SORL1: variants seen among roughly 807,000 people sequenced by gnomAD.
SORL1 encodes sortilin related receptor 1.
SORL1 carries 127 observed loss-of-function variants against 273.7 expected under a neutral mutation model. The observed-to-expected ratio is 0.46, with a 90% confidence interval of 0.40 to 0.54. SORL1 has a LOEUF of 0.54. Ranked by LOEUF, SORL1 falls within the 20% of genes least tolerant of loss-of-function variation. The probability of loss-of-function intolerance (pLI) is 0.00; values close to 1 mark genes in which losing one functional copy is unlikely to be tolerated. For synonymous variants in SORL1, 1,031 were observed against 1,067.4 expected (o/e 0.97, Z 0.66); for missense variants, 2,494 against 2,846.1 (o/e 0.88, Z 2.81).
Position 121,452,354 on chromosome 11 carries a change from G to A in SORL1, c.23G>A (p.Arg8Lys). Residue 8 changes from arginine to lysine, a missense_variant, in exon 1 of 48, where the codon AGG (arginine) becomes AAG (lysine). Transcript: ENST00000260197. The surrounding 1 kb of genome is among the most constrained non-coding windows in gnomAD (Gnocchi z 5.3). ...AACATGGCGACACGGAGCAGCAGGA[G>A]GGAGTCGCGACTCCCGTTCCTATTC... MATRSSR[R>K]ESRLPFLFTL... 6.4e-7 allele frequency: 1 copy of A among 1,554,430 alleles called. No homozygotes were observed. The highest frequency in any genetic ancestry group is 8.7e-7 in the Non-Finnish European group (1 of 1,154,828).
At chr11:121,543,107 C>T (rs990801205) in intron 12 of SORL1, among the ~76,000 whole-genome samples, 7 of 150,322 alleles carry the variant, frequency 4.7e-5, no homozygotes, top group Admixed American at 1.3e-4. Flanking sequence ...AGGAGAATGG[C>T]GTGAACCCAG....
rs1329139201 is a variant in SORL1 at position 121,631,391 on chromosome 11, T to A, written c.*1828T>A. The A allele has an allele frequency of 6.6e-6, 1 of 151,802 alleles. No individual in the cohort carries two copies. The highest frequency in any genetic ancestry group is 1.9e-4 in the East Asian group (1 of 5,184). 9.4% of individuals were successfully genotyped at this position (151,802 alleles called of 1,614,324 possible). On this transcript the variant is annotated 3_prime_UTR_variant, in exon 48 of 48. Transcript: ENST00000260197. ...AAGTTTTTTTTTTTAAAGACTGGAA[T>A]TTTTTTTGGCTTTATCTTGTCTTAC...
intron 6 of SORL1, among the ~76,000 whole-genome samples, chr11:121,512,777 A>G (rs905733272): frequency 4.6e-5 from 7 of 152,202 alleles, no homozygotes; most frequent in Admixed American, 4.6e-4. Flanking sequence ...TCTAATATCC[A>G]TGGAGTGTCT....
intron 42 of SORL1, among the ~76,000 whole-genome samples, chr11:121,619,388 T>G (rs934860383): frequency 1.1e-4 from 16 of 152,210 alleles, no homozygotes; most frequent in African/African-American, 3.9e-4. Flanking sequence ...TGGAAAAATC[T>G]CTACGCTATA....
At position 121,588,097 on chromosome 11, in the gene SORL1, G is replaced by A. The variant is rs746781563; in HGVS notation, c.3892G>A (p.Gly1298Arg). ...CCTGTTCCACTCCATGGTCTGTGAC[G>A]GAATCATCCAGTGCCGCGACGGGTC... ...QCLFHSMVCDGIIQCRDGSDE... is the reference protein window; with the variant it reads ...QCLFHSMVCDRIIQCRDGSDE... The change falls in exon 28 of 48, where the codon GGA becomes AGA. Residue 1298 changes from glycine (G) to arginine (R), a missense_variant. Gly to Arg is a moderately radical substitution (Grantham distance 125). Around this residue, in one of 3 missense-constraint regions of SORL1, gnomAD observed 1,609 missense variants for 1,816.4 expected, o/e 0.89. Coordinates refer to ENST00000260197, the MANE Select transcript of SORL1 (RefSeq NM_003105.6). 7.4e-6 allele frequency: 12 copies of A among 1,613,764 alleles called. No homozygotes were observed. The highest frequency in any genetic ancestry group is 5.0e-5 in the Admixed American group (3 of 59,996).
At chr11:121,556,254 G>A (rs1400915691) in intron 18 of SORL1, among the ~76,000 whole-genome samples, 1 of 152,206 alleles carries the variant, frequency 6.6e-6, no homozygotes, top group Admixed American at 6.5e-5. Flanking sequence ...TTTTAGTGGA[G>A]GAAGCAAAAT....
intron 46 of SORL1, chr11:121,626,516 T>C (rs1026044846): frequency 8.5e-5 from 13 of 152,138 alleles, no homozygotes; most frequent in African/African-American, 3.1e-4. Flanking sequence ...GAATATTGAA[T>C]TGTTAGATTA....
At chr11:121,485,751 G>C (rs1165677964) in intron 3 of SORL1, among the ~76,000 whole-genome samples, 1 of 152,004 alleles carries the variant, frequency 6.6e-6, no homozygotes, top group Non-Finnish European at 1.5e-5. Context: ...TTATTTCTGG[G>C]GAATACTTTT....
intron 43 of SORL1, 91 bp from the exon 44 acceptor site, chr11:121,620,972 TA>T: frequency 1.1e-6 from 1 of 909,894 alleles, no homozygotes; most frequent in Non-Finnish European, 1.7e-6. Context: ...GGGTCCCAGC[TA>T]TTAATATACT....
At chr11:121,503,304 T>C (rs923167728) in intron 6 of SORL1, among the ~76,000 whole-genome samples, 1 of 152,186 alleles carries the variant, frequency 6.6e-6, no homozygotes, top group Non-Finnish European at 1.5e-5. Context: ...TATGTAGTTT[T>C]AGTTCTTACA....
chr11:121,511,213 T>G (rs1392529582), intron 6 of SORL1, among the ~76,000 whole-genome samples: 1 of 152,174 alleles, frequency 6.6e-6, no homozygotes, highest in African/African-American at 2.4e-5. Context: ...TATTCTGTGA[T>G]TTTTGCATTT....
At chr11:121,511,109 T>C (rs1347284975) in intron 6 of SORL1, among the ~76,000 whole-genome samples, 1 of 152,118 alleles carries the variant, frequency 6.6e-6, no homozygotes, top group Non-Finnish European at 1.5e-5. Context: ...AAAAATCCAT[T>C]AAGAATGAAC....
intron 32 of SORL1, 113 bp from the exon 33 acceptor site, chr11:121,604,080 G>T: frequency 7.5e-7 from 1 of 1,339,838 alleles, no homozygotes; most frequent in East Asian, 2.3e-5. Context: ...CCAGAGGTGT[G>T]TTTTGAAGCA....
chr11:121,556,858 C>T (rs957252399), intron 18 of SORL1, among the ~76,000 whole-genome samples: 14 of 152,078 alleles, frequency 9.2e-5, no homozygotes, highest in African/African-American at 3.1e-4. Context: ...GCCTGGCTGA[C>T]GGGAAGGAGC....
In SORL1 at chr11:121,550,620, G is replaced by A; in HGVS notation, c.2216G>A (p.Gly739Glu). The A allele has an allele frequency of 6.2e-7, 1 of 1,614,206 alleles. No individual in the cohort carries two copies. The highest frequency in any genetic ancestry group is 8.5e-7 in the Non-Finnish European group (1 of 1,180,020). The change falls in exon 16 of 48, where the codon GGA (glycine) becomes GAA (glutamate). Residue 739 changes from glycine (G) to glutamate (E), a missense_variant. By Grantham distance (98) the Gly-to-Glu change is moderately conservative. This residue lies in a region of SORL1 where 710 missense variants were observed against 882.5 expected (regional missense o/e 0.80). Coordinates refer to ENST00000260197, the MANE Select transcript of SORL1 (RefSeq NM_003105.6). This position sits in a 1 kb window ranked among gnomAD's most constrained non-coding sequence, Gnocchi z 5.3. ...RKISGDTCSG[G>E]DVEARLEGEL... ...ATTTCTGGGGACACTTGTAGCGGAG[G>A]AGATGTTGAAGCGCGACTGGAAGGA...
At chr11:121,491,557 T>C (rs1861553422) in intron 5 of SORL1, among the ~76,000 whole-genome samples, 1 of 152,196 alleles carries the variant, frequency 6.6e-6, no homozygotes, top group Admixed American at 6.5e-5. Flanking sequence ...CCAAATCAGC[T>C]CCACCTATAA....
intron 1 of SORL1, among the ~76,000 whole-genome samples, chr11:121,464,777 G>A (rs1279547850): frequency 6.6e-6 from 1 of 152,204 alleles, no homozygotes; most frequent in African/African-American, 2.4e-5. Flanking sequence ...GGACAGGGAG[G>A]CCTGTGCGGA....
At chr11:121,524,163 C>T (rs1213098411) in intron 11 of SORL1, among the ~76,000 whole-genome samples, 2 of 152,262 alleles carry the variant, frequency 1.3e-5, no homozygotes. Context: ...CCTTGTGCAG[C>T]TCCCAAGGGA....
At chr11:121,459,477 G>A (rs1014110612) in intron 1 of SORL1, among the ~76,000 whole-genome samples, 28 of 152,146 alleles carry the variant, frequency 1.8e-4, no homozygotes, top group African/African-American at 6.3e-4. Flanking sequence ...TTCCTAGGTA[G>A]GAACTCACCA....
Sources: allele counts gnomAD v4.1 joint callset (sites outside exome capture counted in the v4.1 genomes callset), GRCh38; gene constraint gnomAD v4.1.1; regional missense constraint gnomAD v4.1.1; non-coding constraint Gnocchi (gnomAD v3.1); transcripts MANE v1.5; gene names NCBI Gene and HGNC (gene_info 2026-07-23, HGNC 2026-07-21).